PTPN1: variants seen among roughly 807,000 people sequenced by gnomAD.
PTPN1 encodes the protein protein tyrosine phosphatase non-receptor type 1, also known as tyrosine-protein phosphatase non-receptor type 1.
In PTPN1, 12 loss-of-function variants were observed where a neutral mutation model predicts 59.9. The ratio of observed to expected loss-of-function variants is 0.20; its 90% confidence interval spans 0.13 to 0.32. PTPN1 has a LOEUF of 0.32. Among genes scored for constraint, PTPN1 ranks in the 10% least tolerant of loss-of-function variants. The pLI, the probability that PTPN1 is intolerant of heterozygous loss-of-function variation, is 1.00. For missense variants in PTPN1, 356 were observed against 549.2 expected (o/e 0.65, Z 3.52); for synonymous variants, 178 against 203.6 (o/e 0.87, Z 1.07).
At position 50,583,647 on chromosome 20, in the gene PTPN1, G is replaced by A. The variant is rs1205436587; in HGVS notation, c.*932G>A. ...CATGGCTGTGGTTCCTAAGCCTGTT[G>A]CTGAAGTCATTGTCGCTCAGCAATA... On this transcript the variant is annotated 3_prime_UTR_variant, in exon 10 of 10. Transcript: ENST00000371621. 1 of 152,402 alleles carries A rather than the reference G, an allele frequency of 6.6e-6. No homozygotes were observed. Among genetic ancestry groups the A allele is most frequent in the African/African-American group, 2.4e-5 (1 of 41,434 alleles). The allele number at this position is 152,402 out of a possible 1,614,324, so 9.4% of individuals were successfully genotyped here. A position where few individuals can be genotyped will look rare whatever the true frequency, so the allele number is the denominator to read the frequency against.
intron 1 of PTPN1, among the ~76,000 whole-genome samples, chr20:50,538,161 A>G (rs1037557285): frequency 2.0e-5 from 3 of 152,298 alleles, no homozygotes; most frequent in Admixed American, 2.0e-4. Context: ...TCTAAATGGA[A>G]ACACAGTACC....
intron 1 of PTPN1, among the ~76,000 whole-genome samples, chr20:50,522,101 T>G (rs1281896784): frequency 6.6e-6 from 1 of 152,224 alleles, no homozygotes; most frequent in East Asian, 1.9e-4. Context: ...GGGAGTGCCC[T>G]TGACAGTAAA....
chr20:50,545,876 C>T (rs1246564492), intron 1 of PTPN1, among the ~76,000 whole-genome samples: 1 of 119,520 alleles, frequency 8.4e-6, no homozygotes, highest in Non-Finnish European at 1.7e-5. Context: ...AAAATAGAAA[C>T]AATGAGCCAG....
chr20:50,526,188 A>G (rs1222262886), intron 1 of PTPN1, among the ~76,000 whole-genome samples: 1 of 152,148 alleles, frequency 6.6e-6, no homozygotes, highest in Non-Finnish European at 1.5e-5. Flanking sequence ...AAATTGCCAT[A>G]GTGGGGAATT....
chr20:50,518,092 G>A (rs186487640), intron 1 of PTPN1, among the ~76,000 whole-genome samples: 1 of 152,214 alleles, frequency 6.6e-6, no homozygotes, highest in East Asian at 1.9e-4. Context: ...AACGTTTTTC[G>A]ACTTTTTTCC....
chr20:50,528,749 AAAGAAAAAAG>A (rs1357262008), intron 1 of PTPN1, among the ~76,000 whole-genome samples: 4 of 150,058 alleles, frequency 2.7e-5, no homozygotes, highest in African/African-American at 1.0e-4. Context: ...AAAAAAAAAA[AAAGAAAAAAG>A]AAAGAAAATA....
Position 50,514,270 on chromosome 20 carries a change from C to T in PTPN1, c.63+3680C>T, listed in dbSNP as rs116166876. ...CAAGTTATCTGCCGTTACTTCTCCTCCATTTTGCATTTTATCTTGAATAGC... is the reference window on the plus strand; with the variant it reads ...CAAGTTATCTGCCGTTACTTCTCCTTCATTTTGCATTTTATCTTGAATAGC... On this transcript the variant is annotated intron_variant, in intron 1 of 9. Coordinates refer to ENST00000371621, the MANE Select transcript of PTPN1 (RefSeq NM_002827.4). 7.2e-3 allele frequency among the ~76,000 whole-genome samples: 1,103 copies of T among 152,260 alleles called. 12 individuals are homozygous for T. The highest frequency in any genetic ancestry group is 0.025 in the African/African-American group (1,044 of 41,530).
At chr20:50,539,078 C>G (rs893455578) in intron 1 of PTPN1, among the ~76,000 whole-genome samples, 1 of 144,496 alleles carries the variant, frequency 6.9e-6, no homozygotes, top group African/African-American at 2.6e-5. Flanking sequence ...TCTTGTTGCC[C>G]AGGCTGGAGT....
At chr20:50,564,836 T>G (rs2082771580) in intron 2 of PTPN1, 133 bp from the exon 3 acceptor site, 4 of 1,404,428 alleles carry the variant, frequency 2.8e-6, no homozygotes, top group African/African-American at 1.5e-5. Flanking sequence ...TAATCTCAAC[T>G]AAAACAGGGC....
chr20:50,574,970 C>T (rs1003280407), intron 5 of PTPN1: 4 of 288,198 alleles, frequency 1.4e-5, no homozygotes, highest in Admixed American at 5.7e-5. Context: ...CCTGCAAGTC[C>T]CAGTGAAGCA....
intron 1 of PTPN1, among the ~76,000 whole-genome samples, chr20:50,539,159 C>T (rs922312109): frequency 2.0e-5 from 3 of 151,734 alleles, no homozygotes; most frequent in African/African-American, 7.3e-5. Context: ...CCTCAGCCTC[C>T]TGAGTAGCTG....
In PTPN1 at chr20:50,510,570, A is replaced by C. The variant is rs777863121; in HGVS notation, c.43A>C (p.Ser15Arg). ...KEFEQIDKSG[S>R]WAAIYQDIRH... ...GTTCGAGCAGATCGACAAGTCCGGG[A>C]GCTGGGCGGCCATTTACCAGGTGCG... Residue 15 changes from serine to arginine, a missense_variant, in exon 1 of 10, where the codon AGC (serine) becomes CGC (arginine). Ser to Arg is a moderately radical substitution (Grantham distance 110). Around this residue, in one of 3 missense-constraint regions of PTPN1, gnomAD observed 194 missense variants for 344.2 expected, o/e 0.56. Coordinates refer to ENST00000371621, the MANE Select transcript of PTPN1 (RefSeq NM_002827.4). 6 of 1,550,574 alleles carry C rather than the reference A, an allele frequency of 3.9e-6. No individual in the cohort carries two copies. In the South Asian group the frequency reaches 7.1e-5, roughly 18 times the overall value.
chr20:50,569,916 C>T (rs900692239), intron 4 of PTPN1, among the ~76,000 whole-genome samples: 13 of 152,326 alleles, frequency 8.5e-5, no homozygotes, highest in Admixed American at 6.5e-4. Flanking sequence ...AACCCTGCTG[C>T]GGGGTCCAGG....
chr20:50,572,469 C>T (rs1200556661), intron 4 of PTPN1: 1 of 152,188 alleles, frequency 6.6e-6, no homozygotes, highest in African/African-American at 2.4e-5. Flanking sequence ...CTCACTTGTA[C>T]AGTTCCAAAG....
chr20:50,582,642 C>T lies in PTPN1; in HGVS notation c.1285-50C>T, dbSNP rs765889416. The T allele has an allele frequency of 2.5e-6, 4 of 1,605,980 alleles. No individual in the cohort carries two copies. The South Asian group carries it at 3.3e-5, about 13-fold the overall frequency. On this transcript the variant is annotated intron_variant, in intron 9 of 9. Transcript: ENST00000371621. The surrounding 1 kb of genome is among the most constrained non-coding windows in gnomAD (Gnocchi z 4.2). ...GCCGGGGTCATGCATGAGGCGACAG[C>T]TCTGCAGGTGCGGGTCTGGGCTCAT...
At chr20:50,510,871 A>G (rs1000613854) in intron 1 of PTPN1, among the ~76,000 whole-genome samples, 2 of 151,366 alleles carry the variant, frequency 1.3e-5, no homozygotes, top group African/African-American at 4.9e-5. Flanking sequence ...CTGTGCTCTC[A>G]ACGCGAATCC....
chr20:50,531,458 C>T (rs1459466361), intron 1 of PTPN1, among the ~76,000 whole-genome samples: 1 of 152,114 alleles, frequency 6.6e-6, no homozygotes. Context: ...CTCACTGCAA[C>T]CTCCGCCTCC....
In PTPN1 at chr20:50,543,327, C is replaced by T. The variant is rs6096000; in HGVS notation, c.64-18036C>T. On this transcript the variant is annotated intron_variant, in intron 1 of 9. Transcript: ENST00000371621. ...ATACTATTGTAGGTTTTAAAAATTC[C>T]GTATATTTTGATATCTTGTGTTCCT... is the stretch of plus-strand genomic sequence containing the variant. 5.7e-3 allele frequency among the ~76,000 whole-genome samples: 873 copies of T among 152,224 alleles called. 8 individuals are homozygous for T. Among genetic ancestry groups the T allele is most frequent in the African/African-American group, 0.02 (827 of 41,518 alleles).
intron 1 of PTPN1, among the ~76,000 whole-genome samples, chr20:50,540,142 G>A (rs980636623): frequency 1.3e-5 from 2 of 151,882 alleles, no homozygotes; most frequent in African/African-American, 4.8e-5. Context: ...TGCAACCTCC[G>A]CCTCCCAGGT....
Sources: gnomAD v4.1 joint callset for allele counts (sites outside exome capture counted in the v4.1 genomes callset) on GRCh38, gnomAD v4.1.1 for gene constraint, gnomAD v4.1.1 regional missense constraint, Gnocchi (gnomAD v3.1) non-coding constraint, MANE v1.5 for transcripts, NCBI Gene and HGNC (gene_info 2026-07-23, HGNC 2026-07-21) for gene names.